Variants in GPHN observed in about 807,000 individuals in gnomAD.
GPHN encodes the protein gephyrin.
Under a neutral mutation model 95.5 loss-of-function variants are expected in GPHN, and 17 were observed. That is an observed-to-expected ratio of 0.18 (90% CI 0.12 to 0.27). The LOEUF (loss-of-function observed/expected upper bound fraction) is 0.27, where lower values mean the gene tolerates loss of function less well. Among genes scored for constraint, GPHN ranks in the 10% least tolerant of loss-of-function variants. GPHN has a pLI of 1.00. For missense variants in GPHN, 660 were observed against 978.1 expected (o/e 0.67, Z 4.34); for synonymous variants, 320 against 322.5 (o/e 0.99, Z 0.08).
At chr14:66,956,067 T>C (rs1203181683) in intron 8 of GPHN, among the ~76,000 whole-genome samples, 2 of 152,204 alleles carry the variant, frequency 1.3e-5, no homozygotes, top group Admixed American at 6.5e-5. Context: ...TTCAATGTTT[T>C]TGTGTTCTCT....
the GPHN span, chr14:67,690,254 C>T: frequency 6.2e-7 from 1 of 1,613,998 alleles, no homozygotes; most frequent in Non-Finnish European, 8.5e-7. Flanking sequence ...AGGATGTTGG[C>T]TAGCTTGCTG....
At chr14:67,035,430 G>A (rs1400960300) in intron 10 of GPHN, among the ~76,000 whole-genome samples, 2 of 151,418 alleles carry the variant, frequency 1.3e-5, no homozygotes, top group African/African-American at 2.4e-5. Flanking sequence ...AAAATACTAG[G>A]AAAAAAAGCA....
chr14:66,602,812 G>A (rs1424680432), intron 1 of GPHN, among the ~76,000 whole-genome samples: 1 of 151,872 alleles, frequency 6.6e-6, no homozygotes, highest in African/African-American at 2.4e-5. Context: ...GAAGATGACA[G>A]TTTTAAGAAT....
intron 10 of GPHN, among the ~76,000 whole-genome samples, chr14:67,039,254 C>A (rs551442628): frequency 6.6e-6 from 1 of 152,192 alleles, no homozygotes; most frequent in South Asian, 2.1e-4. Context: ...TAATTTTGTT[C>A]ATATTTTCTC....
At chr14:67,545,193 A>C in the GPHN span, among the ~76,000 whole-genome samples, 1 of 152,124 alleles carries the variant, frequency 6.6e-6, no homozygotes, top group Non-Finnish European at 1.5e-5. Context: ...CCTTCCCTTT[A>C]AGTTAGTGAC....
the GPHN span, chr14:67,515,328 G>A: frequency 5.0e-5 from 8 of 159,276 alleles, no homozygotes; most frequent in Non-Finnish European, 1.1e-4. Flanking sequence ...GCCTAGTCCC[G>A]CATTGTGTGT....
At chr14:66,949,993 G>GAAAAAAAAAAAAAAAA (rs71129809) in intron 8 of GPHN, among the ~76,000 whole-genome samples, 2 of 57,812 alleles carry the variant, frequency 3.5e-5, no homozygotes, top group Non-Finnish European at 7.9e-5. Context: ...TTTAGGACAG[G>GAAAAAAAAAAAAAAAA]AAAAAAAAAA....
chr14:67,465,965 A>G, the GPHN span, among the ~76,000 whole-genome samples: 1 of 152,156 alleles, frequency 6.6e-6, no homozygotes, highest in African/African-American at 2.4e-5. Flanking sequence ...TGGAAGAGGC[A>G]AGGCCAGATC....
chr14:67,275,361 G>A, the GPHN span, among the ~76,000 whole-genome samples: 2 of 152,150 alleles, frequency 1.3e-5, no homozygotes, highest in Non-Finnish European at 2.9e-5. Flanking sequence ...GGCCTTTTCT[G>A]CATCTATTGA....
chr14:66,593,679 A>G (rs538956700), intron 1 of GPHN, among the ~76,000 whole-genome samples: 146 of 152,306 alleles, frequency 9.6e-4, no homozygotes, highest in African/African-American at 3.3e-3. Context: ...ACCTCTAAAC[A>G]TAATAAAGAC....
the GPHN span, chr14:67,224,055 C>G: frequency 6.8e-5 from 62 of 908,736 alleles, no homozygotes; most frequent in Non-Finnish European, 7.8e-5. Flanking sequence ...ATTCACCCAG[C>G]AATGCTAGTT....
intron 1 of GPHN, among the ~76,000 whole-genome samples, chr14:66,546,394 C>T (rs373750365): frequency 1.3e-4 from 20 of 152,100 alleles, no homozygotes; most frequent in African/African-American, 1.9e-4. Context: ...GCTGCAATCT[C>T]GGCACTTTGG....
rs192362633 is a variant in GPHN at position 67,026,588 on chromosome 14, G to A, written c.1006+2913G>A. On this transcript the variant is annotated intron_variant, in intron 10 of 22. Transcript: ENST00000478722. ...CTTGTGTATATGGTAAATGGTATAT[G>A]AGTTGAAGCCAGTATTTCAGACCTT... Among the ~76,000 whole-genome samples the A allele has an allele frequency of 1.3e-4, 20 of 152,260 alleles. No individual in the cohort carries two copies. In the East Asian group the frequency reaches 2.3e-3, roughly 18 times the overall value.
the GPHN span, among the ~76,000 whole-genome samples, chr14:67,537,419 C>G: frequency 6.7e-5 from 10 of 149,432 alleles, no homozygotes; most frequent in African/African-American, 2.5e-4. Flanking sequence ...GCTCAACACA[C>G]TTTAGAATAA....
intron 18 of GPHN, among the ~76,000 whole-genome samples, chr14:67,154,024 T>A (rs142418523): frequency 1.3e-5 from 2 of 152,336 alleles, no homozygotes; most frequent in East Asian, 3.9e-4. Context: ...TAAAACACTT[T>A]CATTCATTTA....
the GPHN span, among the ~76,000 whole-genome samples, chr14:67,276,252 A>G: frequency 6.6e-6 from 1 of 152,032 alleles, no homozygotes; most frequent in Admixed American, 6.6e-5. Flanking sequence ...TTCCAGTTTT[A>G]TCATTATTCA....
At chr14:66,901,193 T>A (rs1045897033) in intron 5 of GPHN, among the ~76,000 whole-genome samples, 1 of 152,052 alleles carries the variant, frequency 6.6e-6, no homozygotes, top group African/African-American at 2.4e-5. Flanking sequence ...TCATATAGTT[T>A]GCTCATTTTT....
At chr14:67,013,317 A>G (rs572409094) in intron 9 of GPHN, among the ~76,000 whole-genome samples, 3 of 152,204 alleles carry the variant, frequency 2.0e-5, no homozygotes, top group East Asian at 3.9e-4. Flanking sequence ...CTACATACAC[A>G]AGTCTCTAGC....
chr14:67,115,697 G>A (rs1373077492), intron 16 of GPHN, among the ~76,000 whole-genome samples: 2 of 151,690 alleles, frequency 1.3e-5, no homozygotes, highest in Non-Finnish European at 2.9e-5. Context: ...ATCGTGCCAC[G>A]GCACTCCAGC....
Sources: gnomAD v4.1 joint callset for allele counts (sites outside exome capture counted in the v4.1 genomes callset) on GRCh38, gnomAD v4.1.1 for gene constraint, MANE v1.5 for transcripts, NCBI Gene and HGNC (gene_info 2026-07-23, HGNC 2026-07-21) for gene names.